The following KIF18A variants were observed in gnomAD, a reference collection of about 807,000 sequenced individuals.
KIF18A encodes kinesin family member 18A, also known as kinesin-like protein KIF18A.
In KIF18A, 67 loss-of-function variants were observed where a neutral mutation model predicts 103.3. That is an observed-to-expected ratio of 0.65 (90% CI 0.53 to 0.79). The LOEUF is 0.79. KIF18A is among the 30% of genes least tolerant of loss of function. The pLI, the probability that KIF18A is intolerant of heterozygous loss-of-function variation, is 0.00. For synonymous variants in KIF18A, 367 were observed against 355.5 expected, an observed-to-expected ratio of 1.03 and a Z score of -0.36; for missense variants, 1,032 against 1,062.5, an observed-to-expected ratio of 0.97 and a Z score of 0.40.
At chr11:28,051,849 G>A (rs1242950278) in intron 13 of KIF18A, among the ~76,000 whole-genome samples, 1 of 151,954 alleles carries the variant, frequency 6.6e-6, no homozygotes, top group Non-Finnish European at 1.5e-5. Flanking sequence ...CCTACATGAT[G>A]TCTCCACTTG....
chr11:28,040,406 GA>G (rs1352073945), intron 13 of KIF18A, among the ~76,000 whole-genome samples: 1 of 151,660 alleles, frequency 6.6e-6, no homozygotes, highest in Non-Finnish European at 1.5e-5. Context: ...TTCAGCTTGG[GA>G]AAACACTATC....
At chr11:28,088,844 G>A (rs186260598) in intron 5 of KIF18A, 123 bp from the exon 6 acceptor site, 13 of 731,596 alleles carry the variant, frequency 1.8e-5, no homozygotes, top group Non-Finnish European at 2.9e-5. Flanking sequence ...ACTGAACAAG[G>A]TATAATCTAA....
intron 13 of KIF18A, among the ~76,000 whole-genome samples, chr11:28,040,498 A>G (rs1364123099): frequency 6.6e-6 from 1 of 151,766 alleles, no homozygotes; most frequent in Non-Finnish European, 1.5e-5. Flanking sequence ...TTCCTTCAGA[A>G]AGGCCCCATA....
intron 6 of KIF18A, among the ~76,000 whole-genome samples, chr11:28,087,042 C>A (rs943812223): frequency 6.6e-6 from 1 of 151,498 alleles, no homozygotes; most frequent in East Asian, 1.9e-4. Context: ...ACATTTTGAA[C>A]AGTTTAACAA....
At chr11:28,023,009 T>C (rs1323648342) in intron 16 of KIF18A, among the ~76,000 whole-genome samples, 1 of 152,218 alleles carries the variant, frequency 6.6e-6, no homozygotes, top group Non-Finnish European at 1.5e-5. Context: ...TCAAACTGTG[T>C]CTTACTGCTC....
chr11:28,079,824 T>A (rs1390491916), intron 9 of KIF18A, among the ~76,000 whole-genome samples: 2 of 152,106 alleles, frequency 1.3e-5, no homozygotes, highest in Non-Finnish European at 2.9e-5. Context: ...TACTCAAGAT[T>A]AACATCTTGA....
intron 13 of KIF18A, among the ~76,000 whole-genome samples, chr11:28,050,148 C>T (rs2133513763): frequency 6.6e-6 from 1 of 151,878 alleles, no homozygotes; most frequent in East Asian, 1.9e-4. Flanking sequence ...TAGCAGATAT[C>T]ATGTTTCTCT....
intron 13 of KIF18A, among the ~76,000 whole-genome samples, chr11:28,040,071 A>C (rs1156246596): frequency 6.6e-6 from 1 of 151,828 alleles, no homozygotes; most frequent in African/African-American, 2.4e-5. Flanking sequence ...TATAAACATA[A>C]AAGGAAAATG....
At position 28,036,315 on chromosome 11, in the gene KIF18A, C is replaced by G; in HGVS notation, c.2298G>C (p.Leu766Phe). The change falls in exon 14 of 17, where the codon TTG (leucine) becomes TTC (phenylalanine). Residue 766 changes from leucine (L) to phenylalanine (F), a missense_variant. Transcript: ENST00000263181. Reference protein sequence around the residue: ...NRRKECGQEDLDSTFTICEDI... With the variant: ...NRRKECGQEDFDSTFTICEDI... ...CTTCACATATAGTAAATGTAGAGTCCAAGTCCTCCTGTCCACATTCTTTTC... is the reference window on the plus strand; with the variant it reads ...CTTCACATATAGTAAATGTAGAGTCGAAGTCCTCCTGTCCACATTCTTTTC... 6.2e-7 allele frequency: 1 copy of G among 1,610,420 alleles called. No homozygotes were observed. Among genetic ancestry groups the G allele is most frequent in the Non-Finnish European group, 8.5e-7 (1 of 1,177,656 alleles).
chr11:28,105,028 AAAC>A (rs970283951), intron 1 of KIF18A, among the ~76,000 whole-genome samples: 4 of 151,970 alleles, frequency 2.6e-5, no homozygotes, highest in African/African-American at 7.2e-5. Context: ...CAAAACAGAC[AAAC>A]AACAACAACA....
At chr11:28,027,841 C>G (rs1211729018) in intron 15 of KIF18A, among the ~76,000 whole-genome samples, 1 of 151,918 alleles carries the variant, frequency 6.6e-6, no homozygotes, top group African/African-American at 2.4e-5. Context: ...CTTCCAAAAT[C>G]ATTATATGAG....
chr11:28,090,369 C>G (rs142683824), intron 5 of KIF18A, among the ~76,000 whole-genome samples: 27 of 152,194 alleles, frequency 1.8e-4, no homozygotes, highest in African/African-American at 6.3e-4. Flanking sequence ...TCAGCAAAAA[C>G]AAAACTTTTA....
intron 13 of KIF18A, among the ~76,000 whole-genome samples, chr11:28,044,791 T>A (rs1340684676): frequency 5.9e-5 from 8 of 136,718 alleles, no homozygotes; most frequent in Non-Finnish European, 1.6e-5. Flanking sequence ...AATATTTTCA[T>A]CAATAACCCA....
chr11:28,071,169 A>G (rs932497742), intron 10 of KIF18A, among the ~76,000 whole-genome samples: 22 of 152,216 alleles, frequency 1.4e-4, no homozygotes, highest in African/African-American at 5.3e-4. Context: ...CACAAGGTTA[A>G]AACTATCAAA....
At chr11:28,063,433 A>T (rs936648761) in intron 11 of KIF18A, among the ~76,000 whole-genome samples, 4 of 152,018 alleles carry the variant, frequency 2.6e-5, no homozygotes, top group Admixed American at 2.6e-4. Context: ...AAGAGACAAG[A>T]CTTGAGACCC....
rs1240439137 is a variant in KIF18A, at chr11:28,048,249, G to A, written c.1948+10677C>T. ...TAAAGTATACATACTGTTTGATTAAGCTATTCTTCTTCTAAGGGCTTAGCC... is the reference window on the plus strand; with the variant it reads ...TAAAGTATACATACTGTTTGATTAAACTATTCTTCTTCTAAGGGCTTAGCC... On this transcript the variant is annotated intron_variant, in intron 13 of 16. Transcript: ENST00000263181. 2.6e-5 allele frequency among the ~76,000 whole-genome samples: 4 copies of A among 152,152 alleles called. No individual in the cohort carries two copies. The East Asian group carries it at 7.7e-4, about 29-fold the overall frequency.
rs758684826 is a variant in KIF18A at position 28,062,484 on chromosome 11, C to T, written c.1623G>A (p.Leu541=). ...ELKKDLHCHH[L]HLQNKDLKAQ... is the part of the protein sequence containing the mutation. Reference sequence around the variant, plus strand: ...CTTTCAAATCTTTGTTCTGGAGGTGCAAATGGTGACAATGAAGATCTTTCT... The same window carrying T: ...CTTTCAAATCTTTGTTCTGGAGGTGTAAATGGTGACAATGAAGATCTTTCT... Residue 541 remains leucine (L), a synonymous_variant, in exon 12 of 17, where the codon TTG becomes TTA. Transcript: ENST00000263181. The T allele has an allele frequency of 2.8e-5, 45 of 1,611,084 alleles. No individual in the cohort carries two copies. The highest frequency in any genetic ancestry group is 9.4e-5 in the African/African-American group (7 of 74,732).
Position 28,023,772 on chromosome 11 carries a change from C to T in KIF18A, c.2583G>A (p.Glu861=). 1 of 1,611,792 alleles carries T rather than the reference C, an allele frequency of 6.2e-7. No individual in the cohort carries two copies. ...AKRVRQDNSS[E]KHLQENKPTM... ...TTGGTTTGTTTTCTTGTAAGTGCTT[C>T]TCACTTGAATTATCTTGTCGAACAC... is the stretch of plus-strand genomic sequence containing the variant. Residue 861 remains glutamate (E), a synonymous_variant, in exon 16 of 17, where the codon GAG becomes GAA. Coordinates refer to ENST00000263181, the MANE Select transcript of KIF18A (RefSeq NM_031217.4).
Position 28,084,667 on chromosome 11 carries a change from TAA to T in KIF18A, c.1037_1038del (p.Leu346GlnfsTer4). ...ATGTCCTTTGCCCGGTTAGCATACTTAAGAGTGTTATATGTGTCATCGTAGAA... is the reference window on the plus strand; with the variant it reads ...ATGTCCTTTGCCCGGTTAGCATACTTGAGTGTTATATGTGTCATCGTAGAA... ...SVFYDDTYNT[L>X]KYANRAKDIK... On this transcript the variant is annotated frameshift_variant, in exon 7 of 17. Transcript: ENST00000263181. LOFTEE classifies it high-confidence loss of function. 1 of 1,612,750 alleles carries T rather than the reference TAA, an allele frequency of 6.2e-7. No homozygotes were observed. The highest frequency in any genetic ancestry group is 8.5e-7 in the Non-Finnish European group (1 of 1,178,936).
Sources: gnomAD v4.1 joint callset for allele counts (sites outside exome capture counted in the v4.1 genomes callset) on GRCh38, gnomAD v4.1.1 for gene constraint, MANE v1.5 for transcripts, NCBI Gene and HGNC (gene_info 2026-07-23, HGNC 2026-07-21) for gene names.